Variants in CFDP1 observed in about 807,000 individuals in gnomAD.
CFDP1 encodes heterochromatin-stabilizing protein CFDP1.
A neutral mutation model predicts 40.1 loss-of-function variants in CFDP1; 31 were observed. That is an observed-to-expected ratio of 0.77 (90% confidence interval 0.58 to 1.04). The LOEUF (loss-of-function observed/expected upper bound fraction) is 1.04. Among genes scored for constraint, CFDP1 ranks in the 50% least tolerant of loss-of-function variants. The pLI is 0.00. For synonymous variants in CFDP1, 167 were observed against 120.0 expected (o/e 1.39, Z -2.56); for missense variants, 423 against 343.4 (o/e 1.23, Z -1.83).
chr16:75,426,516 A>T (rs1195621675), intron 1 of CFDP1, among the ~76,000 whole-genome samples: 1 of 151,892 alleles, frequency 6.6e-6, no homozygotes, highest in Non-Finnish European at 1.5e-5. Context: ...AAGTTTAAAA[A>T]TTTTACTCTG....
chr16:75,405,960 G>A (rs1222276103), intron 4 of CFDP1, among the ~76,000 whole-genome samples: 1 of 151,544 alleles, frequency 6.6e-6, no homozygotes, highest in Non-Finnish European at 1.5e-5. Flanking sequence ...TTATGTAGAT[G>A]GTCAGACATG....
At chr16:75,365,141 A>G (rs2151534309) in intron 5 of CFDP1, among the ~76,000 whole-genome samples, 1 of 152,370 alleles carries the variant, frequency 6.6e-6, no homozygotes, top group South Asian at 2.1e-4. Flanking sequence ...CTCTAAGCCC[A>G]TAAACAGCTT....
chr16:75,357,358 G>A (rs565868854), intron 5 of CFDP1, among the ~76,000 whole-genome samples: 6 of 152,120 alleles, frequency 3.9e-5, no homozygotes, highest in East Asian at 1.9e-4. Flanking sequence ...GAGTTCAAGC[G>A]ATTCTCCTAC....
intron 1 of CFDP1, among the ~76,000 whole-genome samples, chr16:75,425,015 C>T (rs1313232981): frequency 1.3e-5 from 2 of 151,850 alleles, no homozygotes; most frequent in East Asian, 3.9e-4. Context: ...GGTTAGTATG[C>T]AGAACCTGTA....
chr16:75,395,520 G>A (rs939762265), intron 4 of CFDP1, among the ~76,000 whole-genome samples: 7 of 151,990 alleles, frequency 4.6e-5, no homozygotes, highest in East Asian at 3.9e-4. Flanking sequence ...TTAGCTGGGC[G>A]TGGTGGCGGG....
intron 5 of CFDP1, among the ~76,000 whole-genome samples, chr16:75,369,184 G>A (rs1381618415): frequency 6.6e-6 from 1 of 152,048 alleles, no homozygotes; most frequent in Non-Finnish European, 1.5e-5. Flanking sequence ...GTTTTTGAAC[G>A]TAAATAAGAC....
At chr16:75,381,371 G>C (rs138347792) in intron 5 of CFDP1, 4 of 152,142 alleles carry the variant, frequency 2.6e-5, no homozygotes, top group African/African-American at 9.6e-5. Context: ...CAATGAGAGT[G>C]GAGATAAAAT....
At chr16:75,429,769 T>A (rs1013662725) in intron 1 of CFDP1, among the ~76,000 whole-genome samples, 2 of 152,178 alleles carry the variant, frequency 1.3e-5, no homozygotes, top group Non-Finnish European at 2.9e-5. Context: ...AATGTAAATA[T>A]TTTGGGAGAT....
chr16:75,394,285 T>C (rs757046210), intron 5 of CFDP1, among the ~76,000 whole-genome samples: 10 of 152,218 alleles, frequency 6.6e-5, no homozygotes, highest in Non-Finnish European at 1.0e-4. Flanking sequence ...TGTAATACTT[T>C]ACTTCTCACA....
Position 75,314,089 on chromosome 16 carries a change from T to C in CFDP1, c.651-8907A>G, listed in dbSNP as rs145163050. 3.4e-3 allele frequency among the ~76,000 whole-genome samples: 522 copies of C among 152,306 alleles called. 2 individuals carry two copies. The highest frequency in any genetic ancestry group is 0.012 in the African/African-American group (486 of 41,568). ...TAATAGACATGGGGTTTCGCCATGT[T>C]GGCCAGTCTGGTCTCGAACTCCCGA... On this transcript the variant is annotated intron_variant, in intron 5 of 6. Transcript: ENST00000283882.
chr16:75,324,485 T>C (rs2078389509), intron 5 of CFDP1, among the ~76,000 whole-genome samples: 1 of 152,156 alleles, frequency 6.6e-6, no homozygotes, highest in African/African-American at 2.4e-5. Flanking sequence ...CTCATGCCTG[T>C]AATCCCGGAA....
At chr16:75,423,051 T>C (rs891751109) in intron 1 of CFDP1, among the ~76,000 whole-genome samples, 6 of 151,628 alleles carry the variant, frequency 4.0e-5, no homozygotes, top group Non-Finnish European at 5.9e-5. Context: ...GAGGCCGAGG[T>C]GGGCGGATCA....
rs552534146 is a variant in CFDP1, at chr16:75,352,989, G to C, written c.650+42101C>G. Reference sequence around the variant, plus strand: ...CAATTTACAAGAAACACACAGGACAGAGGAACATGTTAAACTCTACTATGA... The same window carrying C: ...CAATTTACAAGAAACACACAGGACACAGGAACATGTTAAACTCTACTATGA... On this transcript the variant is annotated intron_variant, in intron 5 of 6. Coordinates refer to ENST00000283882, the MANE Select transcript of CFDP1 (RefSeq NM_006324.3). Among the ~76,000 whole-genome samples the C allele has an allele frequency of 7.9e-5, 12 of 152,316 alleles. No homozygotes were observed. In the South Asian group the frequency reaches 2.1e-3, roughly 26 times the overall value.
Position 75,293,831 on chromosome 16 carries a change from T to C in CFDP1, c.*121A>G. On this transcript the variant is annotated 3_prime_UTR_variant, in exon 7 of 7. Transcript: ENST00000283882. The stretch of plus-strand genomic sequence containing the variant: ...AAGATACATAGACAGAACTTCAATG[T>C]AGAAAAAAAAAAGACCTTGCTGGGA... 3 of 739,708 alleles carry C rather than the reference T, an allele frequency of 4.1e-6. No individual in the cohort carries two copies. Among genetic ancestry groups the C allele is most frequent in the East Asian group, 2.7e-5 (1 of 37,210 alleles). 45.8% of individuals were successfully genotyped at this position (739,708 alleles called of 1,614,324 possible).
intron 4 of CFDP1, among the ~76,000 whole-genome samples, chr16:75,397,128 A>G (rs922838336): frequency 2.6e-5 from 4 of 151,500 alleles, no homozygotes; most frequent in Non-Finnish European, 4.4e-5. Flanking sequence ...GTTAGCCAGG[A>G]TGGTCTTGAT....
chr16:75,384,592 T>C (rs1227287806), intron 5 of CFDP1, among the ~76,000 whole-genome samples: 1 of 152,076 alleles, frequency 6.6e-6, no homozygotes, highest in Non-Finnish European at 1.5e-5. Flanking sequence ...GCAATCCCAC[T>C]TCTAAAATTC....
rs188383976 is a variant in CFDP1, at chr16:75,318,683, C to T, written c.651-13501G>A. Among the ~76,000 whole-genome samples the T allele has an allele frequency of 2.6e-3, 394 of 152,160 alleles. 2 individuals carry two copies. Among genetic ancestry groups the T allele is most frequent in the Non-Finnish European group, 4.6e-3 (315 of 67,982 alleles). ...CCTCCCAAAGTGCTGGGATTACAGG[C>T]GTGAGCCACTGCGCCCGGCCGGCAT... On this transcript the variant is annotated intron_variant, in intron 5 of 6. Transcript: ENST00000283882.
intron 1 of CFDP1, among the ~76,000 whole-genome samples, chr16:75,417,138 T>A (rs1267878144): frequency 6.6e-6 from 1 of 151,964 alleles, no homozygotes; most frequent in Non-Finnish European, 1.5e-5. Context: ...GCTACTGCAT[T>A]CCAGCCTGGG....
At chr16:75,381,720 G>A (rs897535219) in intron 5 of CFDP1, among the ~76,000 whole-genome samples, 2 of 152,098 alleles carry the variant, frequency 1.3e-5, no homozygotes, top group Non-Finnish European at 2.9e-5. Context: ...GTTAAATACT[G>A]GACCAGTTGT....
Sources: gnomAD v4.1 joint callset for allele counts (sites outside exome capture counted in the v4.1 genomes callset) on GRCh38, gnomAD v4.1.1 for gene constraint, MANE v1.5 for transcripts, NCBI Gene and HGNC (gene_info 2026-07-23, HGNC 2026-07-21) for gene names.